SPDYE21: variants seen among roughly 807,000 people sequenced by gnomAD.
SPDYE21 encodes speedy/RINGO cell cycle regulator family member E21, also known as speedy protein E21.
Under a neutral mutation model 36.2 loss-of-function variants are expected in SPDYE21, and 14 were observed. That is an observed-to-expected ratio of 0.39 (90% CI 0.26 to 0.61). The LOEUF (loss-of-function observed/expected upper bound fraction) is 0.61. Among genes scored for constraint, SPDYE21 ranks in the 20% least tolerant of loss-of-function variants. The pLI is 0.55. For missense variants in SPDYE21, 233 were observed against 424.6 expected, an observed-to-expected ratio of 0.55 and a Z score of 3.97; for synonymous variants, 58 against 155.1, an observed-to-expected ratio of 0.37 and a Z score of 4.65.
chr7:67,280,207 C>T (rs1360617713), intron 3 of SPDYE21, among the ~76,000 whole-genome samples, 171 bp downstream of exon 3: 1 of 152,196 alleles, frequency 6.6e-6, no homozygotes, highest in East Asian at 1.9e-4. Context: ...CGATAGAGGA[C>T]TAGGCTAGAC....
rs1802601925 is a variant in SPDYE21, at chr7:67,279,875, A to G, written c.218A>G (p.Glu73Gly). 1.3e-6 allele frequency: 2 copies of G among 1,590,004 alleles called. No individual in the cohort carries two copies. The highest frequency in any genetic ancestry group is 1.1e-5 in the South Asian group (1 of 89,946). Residue 73 changes from glutamate (E) to glycine (G), a missense_variant, in exon 3 of 9, where the codon GAG (glutamate) becomes GGG (glycine). By Grantham distance (98) the Glu-to-Gly change is moderately conservative (BLOSUM62 -2). Coordinates refer to ENST00000424157, the MANE Select transcript of SPDYE21 (RefSeq NM_001382715.2). ...CRSLGWKRKK[E>G]WSDESEEEPE... ...TCCCTTGGCTGGAAAAGGAAGAAGG[A>G]GTGGTCAGATGAATCTGAGGAGGAG...
rs1351173344 is a variant in SPDYE21, at chr7:67,282,620, G to T, written c.611-15G>T. ...TGTCCTGCTTCTCACACTGACATCT[G>T]CTCTCTAATCACAGAGGATCCTGTC... On this transcript the variant is annotated splice_polypyrimidine_tract_variant and intron_variant, in intron 4 of 8. Coordinates refer to ENST00000424157, the MANE Select transcript of SPDYE21 (RefSeq NM_001382715.2). 2.5e-6 allele frequency: 4 copies of T among 1,575,166 alleles called. No individual in the cohort carries two copies. Among genetic ancestry groups the T allele is most frequent in the Non-Finnish European group, 3.4e-6 (4 of 1,161,758 alleles).
Position 67,279,922 on chromosome 7 carries a change from G to C in SPDYE21, c.265G>C (p.Glu89Gln), listed in dbSNP as rs956739156. 6.3e-7 allele frequency: 1 copy of C among 1,590,114 alleles called. No homozygotes were observed. Among genetic ancestry groups the C allele is most frequent in the African/African-American group, 1.4e-5 (1 of 72,458 alleles). The change falls in exon 3 of 9, where the codon GAG becomes CAG. Residue 89 changes from glutamate (E) to glutamine (Q), a missense_variant. Physicochemically the swap from Glu to Gln is conservative, Grantham distance 29. Transcript: ENST00000424157. ...GGAGCCGGAGAAGGAGCTCGCCCCT[G>C]AGCCTGAGGAGACCTGGGTAGTGGA... ...EEEPEKELAP[E>Q]PEETWVVETL...
intron 6 of SPDYE21, among the ~76,000 whole-genome samples, chr7:67,285,534 G>A (rs1802714317): frequency 1.3e-5 from 2 of 150,732 alleles, no homozygotes; most frequent in South Asian, 2.1e-4. Context: ...AGGCCTAACG[G>A]GTGTGCCACG....
intron 5 of SPDYE21, among the ~76,000 whole-genome samples, 164 bp from the exon 6 acceptor site, chr7:67,283,749 C>T (rs1802681992): frequency 6.8e-6 from 1 of 146,636 alleles, no homozygotes; most frequent in African/African-American, 2.5e-5. Flanking sequence ...ATCCGACCTT[C>T]GAATACCCCT....
chr7:67,277,727 A>AT (rs1802564168), intron 1 of SPDYE21, among the ~76,000 whole-genome samples: 1 of 151,092 alleles, frequency 6.6e-6, no homozygotes, highest in African/African-American at 2.4e-5. Flanking sequence ...CACAGCTGAA[A>AT]TTTTTTGACT....
chr7:67,286,121 G>A lies in SPDYE21; in HGVS notation c.833G>A (p.Arg278His), dbSNP rs1007261819. ...TTCCACTTCCTGTATGGGAAGACCC[G>A]CTCTCGCATACCCTTGCTCCGTAAG... ...NIFHFLYGKT[R>H]SRIPLLRKRW... is the part of the protein sequence containing the mutation. Residue 278 changes from arginine (R) to histidine (H), a missense_variant, in exon 7 of 9, where the codon CGC becomes CAC. By Grantham distance (29) the Arg-to-His change is conservative. Coordinates refer to ENST00000424157, the MANE Select transcript of SPDYE21 (RefSeq NM_001382715.2). The A allele has an allele frequency of 8.7e-6, 14 of 1,612,278 alleles. No individual in the cohort carries two copies. The African/African-American group carries it at 1.2e-4, about 14-fold the overall frequency.
chr7:67,288,638 AAG>A lies in SPDYE21; in HGVS notation c.*1171_*1172del, dbSNP rs1039968685. 4.8e-4 allele frequency among the ~76,000 whole-genome samples: 71 copies of A among 148,936 alleles called. No individual in the cohort carries two copies. The highest frequency in any genetic ancestry group is 1.5e-3 in the African/African-American group (63 of 40,868). On this transcript the variant is annotated 3_prime_UTR_variant, in exon 9 of 9. Transcript: ENST00000424157. ...TACATATAATTTTGTTTTCCTTTTT[AAG>A]AGAGGATTCTTTTCATCCTAAATCT... is the stretch of plus-strand genomic sequence containing the variant.
chr7:67,283,722 T>C lies in SPDYE21; in HGVS notation c.670-191T>C, dbSNP rs555074892. 2.2e-4 allele frequency among the ~76,000 whole-genome samples: 34 copies of C among 151,754 alleles called. No individual in the cohort carries two copies. In the South Asian group the frequency reaches 2.5e-3, roughly 11 times the overall value. On this transcript the variant is annotated intron_variant, in intron 5 of 8. Coordinates refer to ENST00000424157, the MANE Select transcript of SPDYE21 (RefSeq NM_001382715.2). Reference sequence around the variant, plus strand: ...GGAGCATCACCCAAAACCCTTCCTCTGGCTTCTCGGATTTGCATCCGACCT... The same window carrying C: ...GGAGCATCACCCAAAACCCTTCCTCCGGCTTCTCGGATTTGCATCCGACCT...
chr7:67,283,101 C>T (rs1456170155), intron 5 of SPDYE21, among the ~76,000 whole-genome samples: 2 of 151,688 alleles, frequency 1.3e-5, no homozygotes, highest in South Asian at 2.1e-4. Context: ...CCACTGTGCC[C>T]GACCAGCTCC....
At chr7:67,277,706 G>A (rs959693887) in intron 1 of SPDYE21, among the ~76,000 whole-genome samples, 7 of 151,702 alleles carry the variant, frequency 4.6e-5, no homozygotes, top group Non-Finnish European at 1.0e-4. Flanking sequence ...TTACAAGCAT[G>A]AGCCACTGTG....
At chr7:67,282,549 C>T in intron 4 of SPDYE21, 86 bp from the exon 5 acceptor site, 1 of 1,590,160 alleles carries the variant, frequency 6.3e-7, no homozygotes, top group Non-Finnish European at 8.5e-7. Context: ...GAGACTTCCC[C>T]CCGGGAGGCA....
intron 2 of SPDYE21, among the ~76,000 whole-genome samples, 200 bp from the exon 3 acceptor site, chr7:67,279,618 C>T (rs935418000): frequency 6.6e-6 from 1 of 151,842 alleles, no homozygotes; most frequent in African/African-American, 2.4e-5. Flanking sequence ...AAGCAGTGTT[C>T]GGAGGACAGA....
At chr7:67,282,244 C>G (rs1563095019) in intron 4 of SPDYE21, among the ~76,000 whole-genome samples, 2 of 152,194 alleles carry the variant, frequency 1.3e-5, no homozygotes. Context: ...CTCTTACTGA[C>G]TTTTCTAAAC....
At chr7:67,286,023 C>T in intron 6 of SPDYE21, 21 bp from the exon 7 acceptor site, 2 of 1,612,466 alleles carry the variant, frequency 1.2e-6, no homozygotes, top group Non-Finnish European at 1.7e-6. Flanking sequence ...CCCTGAGCAG[C>T]AACCTGATTT....
At chr7:67,280,325 G>C (rs1293012022) in intron 3 of SPDYE21, among the ~76,000 whole-genome samples, 4 of 152,068 alleles carry the variant, frequency 2.6e-5, no homozygotes, top group Non-Finnish European at 4.4e-5. Context: ...AGGATTGCTT[G>C]AACTCAGGAC....
chr7:67,280,993 A>G (rs1802622965), intron 3 of SPDYE21, among the ~76,000 whole-genome samples: 1 of 146,548 alleles, frequency 6.8e-6, no homozygotes, highest in African/African-American at 2.4e-5. Flanking sequence ...TAGGCAGGAG[A>G]ATCACTGGAA....
Position 67,286,110 on chromosome 7 carries a change from T to C in SPDYE21, c.822T>C (p.Tyr274=), listed in dbSNP as rs1197464899. The C allele has an allele frequency of 2.5e-6, 4 of 1,614,062 alleles. No homozygotes were observed. In the East Asian group the frequency reaches 6.7e-5, roughly 27 times the overall value. Residue 274 remains tyrosine (Y), a synonymous_variant, in exon 7 of 9, where the codon TAT becomes TAC. Coordinates refer to ENST00000424157, the MANE Select transcript of SPDYE21 (RefSeq NM_001382715.2). The part of the protein sequence containing the change: ...DSKQNIFHFL[Y]GKTRSRIPLL... The stretch of plus-strand genomic sequence containing the variant: ...AACAAAACATCTTCCACTTCCTGTA[T>C]GGGAAGACCCGCTCTCGCATACCCT...
At position 67,288,873 on chromosome 7, in the gene SPDYE21, T is replaced by C. The variant is rs183545390; in HGVS notation, c.*1401T>C. 9.9e-5 allele frequency among the ~76,000 whole-genome samples: 15 copies of C among 151,240 alleles called. No homozygotes were observed. The highest frequency in any genetic ancestry group is 1.5e-5 in the Non-Finnish European group (1 of 67,890). On this transcript the variant is annotated 3_prime_UTR_variant, in exon 9 of 9. Transcript: ENST00000424157. The stretch of plus-strand genomic sequence containing the variant: ...AATTTTTTACCTTGTTTTGGCATGT[T>C]TGTATATTACTTTAAAGAGGATGTG...
Sources: allele counts gnomAD v4.1 joint callset (sites outside exome capture counted in the v4.1 genomes callset), GRCh38; gene constraint gnomAD v4.1.1; transcripts MANE v1.5; gene names NCBI Gene and HGNC (gene_info 2026-07-23, HGNC 2026-07-21).